Variants in TMEM132D observed in about 807,000 individuals in gnomAD.
The protein encoded by TMEM132D is transmembrane protein 132D, also known as mature OL transmembrane protein.
TMEM132D carries 21 observed loss-of-function variants against 62.3 expected under a neutral mutation model. The ratio of observed to expected loss-of-function variants is 0.34; its 90% CI spans 0.24 to 0.49. The LOEUF is 0.49. Ranked by LOEUF, TMEM132D falls within the 20% of genes least tolerant of loss-of-function variation. The pLI, the probability that TMEM132D is intolerant of heterozygous loss-of-function variation, is 0.99. For synonymous variants in TMEM132D, 621 were observed against 575.6 expected (o/e 1.08, Z -1.13); for missense variants, 1,346 against 1,402.8 (o/e 0.96, Z 0.65).
At chr12:129,345,884 T>C (rs1402897796) in intron 3 of TMEM132D, among the ~76,000 whole-genome samples, 1 of 152,214 alleles carries the variant, frequency 6.6e-6, no homozygotes, top group Non-Finnish European at 1.5e-5. Flanking sequence ...TCAGGGATAT[T>C]GGCCTGAAAT....
At chr12:129,568,136 T>A (rs1877418398) in intron 2 of TMEM132D, among the ~76,000 whole-genome samples, 1 of 152,240 alleles carries the variant, frequency 6.6e-6, no homozygotes, top group Non-Finnish European at 1.5e-5. Flanking sequence ...AGTCTGAGGA[T>A]ACAGCAGCTT....
chr12:129,206,326 A>G (rs1232423275), intron 5 of TMEM132D, among the ~76,000 whole-genome samples: 1 of 152,242 alleles, frequency 6.6e-6, no homozygotes, highest in Non-Finnish European at 1.5e-5. Flanking sequence ...GAAGACATAT[A>G]TATGGCCAAT....
At chr12:129,756,221 TA>T (rs1870164425) in intron 1 of TMEM132D, among the ~76,000 whole-genome samples, 1 of 152,156 alleles carries the variant, frequency 6.6e-6, no homozygotes, top group Non-Finnish European at 1.5e-5. Flanking sequence ...ACATTGTGCC[TA>T]GAGTTCATAA....
At chr12:129,872,234 C>G (rs899573934) in intron 1 of TMEM132D, among the ~76,000 whole-genome samples, 1 of 152,190 alleles carries the variant, frequency 6.6e-6, no homozygotes, top group Non-Finnish European at 1.5e-5. Flanking sequence ...TCTCCTAACA[C>G]CCAATCTCTT....
intron 3 of TMEM132D, among the ~76,000 whole-genome samples, chr12:129,465,919 G>T (rs1404704251): frequency 6.6e-6 from 1 of 152,152 alleles, no homozygotes; most frequent in East Asian, 1.9e-4. Context: ...CTGACCTCAA[G>T]TGATCCACCT....
chr12:129,569,972 T>C (rs1373991165), intron 2 of TMEM132D, among the ~76,000 whole-genome samples: 3 of 152,188 alleles, frequency 2.0e-5, no homozygotes, highest in Non-Finnish European at 4.4e-5. Flanking sequence ...TTTTGCTGAA[T>C]GGCAAATAAA....
chr12:129,725,449 A>T (rs1419060652), intron 1 of TMEM132D, among the ~76,000 whole-genome samples: 1 of 152,232 alleles, frequency 6.6e-6, no homozygotes, highest in African/African-American at 2.4e-5. Context: ...GATGCCACCG[A>T]ACTTGGATTT....
intron 5 of TMEM132D, among the ~76,000 whole-genome samples, chr12:129,086,926 A>T (rs1356360235): frequency 6.6e-6 from 1 of 152,108 alleles, no homozygotes; most frequent in South Asian, 2.1e-4. Flanking sequence ...AGAATTCTCC[A>T]TACTGTTTTC....
intron 1 of TMEM132D, among the ~76,000 whole-genome samples, chr12:129,860,294 T>C (rs1159218625): frequency 1.3e-5 from 2 of 152,252 alleles, no homozygotes; most frequent in Admixed American, 6.5e-5. Context: ...TGAAATGTCA[T>C]GGGAGACTCT....
intron 3 of TMEM132D, among the ~76,000 whole-genome samples, chr12:129,348,548 C>G: frequency 6.6e-6 from 1 of 151,902 alleles, no homozygotes; most frequent in Non-Finnish European, 1.5e-5. Flanking sequence ...CCCACCAGGG[C>G]CTGTCGGGGG....
intron 4 of TMEM132D, among the ~76,000 whole-genome samples, chr12:129,251,840 G>A (rs1166434144): frequency 6.6e-6 from 1 of 152,110 alleles, no homozygotes; most frequent in Non-Finnish European, 1.5e-5. Flanking sequence ...ACTTCTGCTA[G>A]TTGGACCGTG....
chr12:129,256,443 C>T (rs945782286), intron 4 of TMEM132D, among the ~76,000 whole-genome samples: 1 of 151,826 alleles, frequency 6.6e-6, no homozygotes, highest in Non-Finnish European at 1.5e-5. Context: ...TATTTAGAAA[C>T]AGAGTCTTGC....
At chr12:129,758,940 T>TTTC (rs1870261010) in intron 1 of TMEM132D, among the ~76,000 whole-genome samples, 1 of 151,078 alleles carries the variant, frequency 6.6e-6, no homozygotes, top group African/African-American at 2.4e-5. Flanking sequence ...TTCTTTCTTT[T>TTTC]TTTTTTTTTT....
chr12:129,899,626 A>AAAT (rs1875285101), intron 1 of TMEM132D, among the ~76,000 whole-genome samples: 1 of 152,216 alleles, frequency 6.6e-6, no homozygotes, highest in African/African-American at 2.4e-5. Flanking sequence ...TGTGTAGCAT[A>AAAT]GCTTCTATAA....
intron 5 of TMEM132D, among the ~76,000 whole-genome samples, chr12:129,204,990 T>C (rs1878803269): frequency 6.6e-6 from 1 of 152,188 alleles, no homozygotes; most frequent in South Asian, 2.1e-4. Flanking sequence ...AATTTGTTAC[T>C]ACCAGACCTG....
rs965959359 is a variant in TMEM132D at position 129,251,322 on chromosome 12, A to G, written c.1300-41659T>C. On this transcript the variant is annotated intron_variant, in intron 4 of 8. Transcript: ENST00000422113. The stretch of plus-strand genomic sequence containing the variant: ...TGCAGTGAGCCGAGATTGCACCGCT[A>G]AACTCCAGCCTGGCGACAGAGTGAG... Among the ~76,000 whole-genome samples, 6 of 143,038 alleles carry G rather than the reference A, an allele frequency of 4.2e-5. No individual in the cohort carries two copies. In the East Asian group the frequency reaches 8.4e-4, roughly 20 times the overall value. 93.8% of individuals were successfully genotyped at this position (143,038 alleles called of 152,430 possible).
intron 3 of TMEM132D, among the ~76,000 whole-genome samples, chr12:129,414,085 G>T (rs1330774407): frequency 1.3e-5 from 2 of 152,190 alleles, no homozygotes; most frequent in Non-Finnish European, 2.9e-5. Context: ...CTTCAACTCA[G>T]TTACCATGTG....
chr12:129,291,499 G>A (rs79732592), intron 4 of TMEM132D, among the ~76,000 whole-genome samples: 2,185 of 152,200 alleles, frequency 0.014, 13 homozygotes, highest in Non-Finnish European at 0.024. Flanking sequence ...AACTGAGACC[G>A]AGTCCTCCAT....
chr12:129,089,322 G>A lies in TMEM132D; in HGVS notation c.1444-4620C>T, dbSNP rs565726295. On this transcript the variant is annotated intron_variant, in intron 5 of 8. Coordinates refer to ENST00000422113, the MANE Select transcript of TMEM132D (RefSeq NM_133448.3). ...ATGACCGGGTGTCCTCCATGACCGG[G>A]TGTCCTCCCTGACCGGGATGTCCTC... 1.2e-3 allele frequency among the ~76,000 whole-genome samples: 63 copies of A among 54,132 alleles called. 18 individuals are homozygous for A. The highest frequency in any genetic ancestry group is 6.5e-3 in the South Asian group (10 of 1,542). 35.5% of individuals were successfully genotyped at this position (54,132 alleles called of 152,430 possible).
Sources: allele counts gnomAD v4.1 joint callset (sites outside exome capture counted in the v4.1 genomes callset), GRCh38; gene constraint gnomAD v4.1.1; transcripts MANE v1.5; gene names NCBI Gene and HGNC (gene_info 2026-07-23, HGNC 2026-07-21).